The following SLC12A8 variants were observed in gnomAD, a reference collection of about 807,000 sequenced individuals.
The protein encoded by SLC12A8 is cation-chloride cotransporter 9.
Under a neutral mutation model 75.6 loss-of-function variants are expected in SLC12A8, and 69 were observed. The observed-to-expected ratio is 0.91, with a 90% CI of 0.75 to 1.11. The LOEUF (loss-of-function observed/expected upper bound fraction) is 1.11. SLC12A8 is among the 50% of genes most tolerant of loss of function. The pLI, the probability that SLC12A8 is intolerant of heterozygous loss-of-function variation, is 0.00. For missense variants in SLC12A8, 877 were observed against 896.7 expected (o/e 0.98, Z 0.28); for synonymous variants, 365 against 372.8 (o/e 0.98, Z 0.24).
intron 5 of SLC12A8, among the ~76,000 whole-genome samples, chr3:125,136,633 CTCT>C: frequency 2.0e-5 from 3 of 152,226 alleles, no homozygotes; most frequent in Non-Finnish European, 4.4e-5. Context: ...TCTCTTAGAT[CTCT>C]CAGCCTATGG....
intron 6 of SLC12A8, among the ~76,000 whole-genome samples, chr3:125,130,581 G>A (rs1277392133): frequency 9.0e-5 from 13 of 143,654 alleles, no homozygotes; most frequent in African/African-American, 3.3e-4. Context: ...GACAGAGCGA[G>A]ACCCTGTCTT....
chr3:125,122,933 A>G (rs1933099257), intron 6 of SLC12A8, among the ~76,000 whole-genome samples: 1 of 152,244 alleles, frequency 6.6e-6, no homozygotes, highest in African/African-American at 2.4e-5. Flanking sequence ...TATCTATAAA[A>G]CAAGGTGCTA....
intron 2 of SLC12A8, among the ~76,000 whole-genome samples, chr3:125,206,324 G>A (rs1935225537): frequency 6.6e-6 from 1 of 152,174 alleles, no homozygotes; most frequent in Non-Finnish European, 1.5e-5. Context: ...ACCTGGTTCT[G>A]CCTTCTAACC....
chr3:125,099,920 C>T (rs1231372993), intron 10 of SLC12A8, among the ~76,000 whole-genome samples: 5 of 152,050 alleles, frequency 3.3e-5, no homozygotes, highest in Admixed American at 6.6e-5. Flanking sequence ...AAGAGCGAAA[C>T]TCTGTTTCAA....
At chr3:125,204,103 T>C (rs1479030101) in intron 2 of SLC12A8, among the ~76,000 whole-genome samples, 1 of 152,206 alleles carries the variant, frequency 6.6e-6, no homozygotes, top group Non-Finnish European at 1.5e-5. Flanking sequence ...TGTGGGGCTT[T>C]GGAGAAAAGG....
chr3:125,148,524 TG>T (rs1933842203), intron 5 of SLC12A8, among the ~76,000 whole-genome samples: 1 of 151,806 alleles, frequency 6.6e-6, no homozygotes, highest in Non-Finnish European at 1.5e-5. Context: ...GGGGCCCACG[TG>T]GGTCCTTTGT....
chr3:125,203,453 A>G lies in SLC12A8; in HGVS notation c.51+7846T>C, dbSNP rs568150211. Reference sequence around the variant, plus strand: ...AAATCCACATATTTACAGCCAACTGATTTTCAACAAAGGTGCCAAGGACAT... The same window carrying G: ...AAATCCACATATTTACAGCCAACTGGTTTTCAACAAAGGTGCCAAGGACAT... On this transcript the variant is annotated intron_variant, in intron 2 of 13. Coordinates refer to ENST00000469902, the MANE Select transcript of SLC12A8 (RefSeq NM_024628.6). Among the ~76,000 whole-genome samples the G allele has an allele frequency of 5.9e-5, 9 of 152,314 alleles. No individual in the cohort carries two copies. The East Asian group carries it at 1.5e-3, about 26-fold the overall frequency.
intron 4 of SLC12A8, among the ~76,000 whole-genome samples, chr3:125,182,868 T>G (rs2107791595): frequency 6.6e-6 from 1 of 152,266 alleles, no homozygotes; most frequent in Non-Finnish European, 1.5e-5. Context: ...AATACATGTG[T>G]ATAAGCCGAG....
intron 10 of SLC12A8, among the ~76,000 whole-genome samples, chr3:125,101,019 CAAAAA>C (rs59602383): frequency 1.2e-5 from 1 of 86,740 alleles, no homozygotes. Flanking sequence ...GACTCCGTCT[CAAAAA>C]AAAAAAAAAA....
chr3:125,101,017 C>T lies in SLC12A8; in HGVS notation c.1705+6464G>A, dbSNP rs549781210. 9.1e-3 allele frequency among the ~76,000 whole-genome samples: 371 copies of T among 40,618 alleles called. 2 individuals are homozygous for T. Among genetic ancestry groups the T allele is most frequent in the African/African-American group, 0.033 (336 of 10,268 alleles). The allele number at this position is 40,618 out of a possible 152,430, so 26.6% of individuals were successfully genotyped here. ...CCTGGGCGACAGAGCGAGACTCCGT[C>T]TCAAAAAAAAAAAAAAAAAAAAAAG... On this transcript the variant is annotated intron_variant, in intron 10 of 13. Transcript: ENST00000469902.
intron 5 of SLC12A8, among the ~76,000 whole-genome samples, chr3:125,172,584 C>A (rs1262194811): frequency 1.3e-5 from 2 of 152,176 alleles, no homozygotes; most frequent in African/African-American, 2.4e-5. Context: ...AAGTCACACC[C>A]AAATTACTGG....
chr3:125,211,797 G>A (rs1360998951), intron 1 of SLC12A8, among the ~76,000 whole-genome samples: 7 of 152,180 alleles, frequency 4.6e-5, no homozygotes. Flanking sequence ...AGACCTGGCT[G>A]CAGGTGGTGA....
In SLC12A8 at chr3:125,107,944, C is replaced by G. The variant is rs150429043; in HGVS notation, c.1242G>C (p.Pro414=). 1 of 1,614,004 alleles carries G rather than the reference C, an allele frequency of 6.2e-7. No homozygotes were observed. The highest frequency in any genetic ancestry group is 1.7e-5 in the Admixed American group (1 of 59,998). The part of the protein sequence containing the change: ...SLSMCSCSLT[P]VPEPVLREGA... ...CCTCCCTGAGCACCGGCTCAGGCAC[C>G]GGGGTCAGGCTGCAGGAACACATGG... The change falls in exon 10 of 14, where the codon CCG becomes CCC. Residue 414 remains proline, a synonymous_variant. Coordinates refer to ENST00000469902, the MANE Select transcript of SLC12A8 (RefSeq NM_024628.6).
intron 5 of SLC12A8, among the ~76,000 whole-genome samples, chr3:125,158,281 C>A (rs1450732918): frequency 2.0e-5 from 3 of 151,592 alleles, no homozygotes; most frequent in Non-Finnish European, 2.9e-5. Context: ...AGTGCAGTGG[C>A]GCGATCTTGG....
In SLC12A8 at chr3:125,135,649, A is replaced by G. The variant is rs757915980; in HGVS notation, c.736+20T>C. The G allele has an allele frequency of 1.2e-5, 18 of 1,527,102 alleles. No individual in the cohort carries two copies. The highest frequency in any genetic ancestry group is 1.4e-5 in the Non-Finnish European group (16 of 1,124,760). 94.6% of individuals were successfully genotyped at this position (1,527,102 alleles called of 1,614,324 possible). On this transcript the variant is annotated intron_variant, in intron 6 of 13. Transcript: ENST00000469902. ...GTATACCCCTAATTTGAGAGTAAAA[A>G]AGAACCCAGATTACAATACCTGTAG...
At chr3:125,090,631 G>A (rs926366039) in intron 12 of SLC12A8, among the ~76,000 whole-genome samples, 4 of 152,122 alleles carry the variant, frequency 2.6e-5, no homozygotes, top group Non-Finnish European at 5.9e-5. Context: ...GCTTTGTTAT[G>A]TCTTCCTGAT....
intron 4 of SLC12A8, among the ~76,000 whole-genome samples, chr3:125,183,403 T>C (rs1320265267): frequency 6.6e-6 from 1 of 152,090 alleles, no homozygotes; most frequent in Non-Finnish European, 1.5e-5. Context: ...AGAGAGAAGG[T>C]GGCCTATTTT....
Position 125,091,442 on chromosome 3 carries a change from G to T in SLC12A8, c.1918C>A (p.Leu640Ile). Residue 640 changes from leucine (L) to isoleucine (I), a missense_variant, in exon 12 of 14, where the codon CTT becomes ATT. Leu to Ile is a conservative substitution (Grantham distance 5). Coordinates refer to ENST00000469902, the MANE Select transcript of SLC12A8 (RefSeq NM_024628.6). ...GCAAAATGGCTCTGCTGCTTACCAAGGTGAAGCCCTGGACTGGCCCGGCCA... is the reference window on the plus strand; with the variant it reads ...GCAAAATGGCTCTGCTGCTTACCAATGTGAAGCCCTGGACTGGCCCGGCCA... Reference protein sequence around the residue: ...YIGRASPGLHLGSASNFSFFR... With the variant: ...YIGRASPGLHIGSASNFSFFR... 1.9e-6 allele frequency: 3 copies of T among 1,611,234 alleles called. No homozygotes were observed. Among genetic ancestry groups the T allele is most frequent in the Non-Finnish European group, 2.5e-6 (3 of 1,177,478 alleles).
chr3:125,210,979 G>T (rs1442177037), intron 2 of SLC12A8, among the ~76,000 whole-genome samples: 1 of 150,388 alleles, frequency 6.6e-6, no homozygotes, highest in Non-Finnish European at 1.5e-5. Flanking sequence ...GTTTGATTCA[G>T]AATTAAAATG....
Sources: gnomAD v4.1 joint callset for allele counts (sites outside exome capture counted in the v4.1 genomes callset) on GRCh38, gnomAD v4.1.1 for gene constraint, MANE v1.5 for transcripts, NCBI Gene and HGNC (gene_info 2026-07-23, HGNC 2026-07-21) for gene names.